DPP6: variants seen among roughly 807,000 people sequenced by gnomAD.
DPP6 encodes A-type potassium channel modulatory protein DPP6.
Under a neutral mutation model 122.6 loss-of-function variants are expected in DPP6, and 69 were observed. The ratio of observed to expected loss-of-function variants is 0.56; its 90% CI spans 0.46 to 0.69. The LOEUF (loss-of-function observed/expected upper bound fraction) is 0.69. Ranked by LOEUF, DPP6 falls within the 30% of genes least tolerant of loss-of-function variation. The pLI is 0.00. For missense variants in DPP6, 928 were observed against 1,116.9 expected (o/e 0.83, Z 2.41); for synonymous variants, 418 against 433.1 (o/e 0.97, Z 0.43).
chr7:153,995,778 C>T (rs1367245718), intron 1 of DPP6, among the ~76,000 whole-genome samples: 1 of 152,082 alleles, frequency 6.6e-6, no homozygotes, highest in East Asian at 1.9e-4. Flanking sequence ...GGAATAAAAG[C>T]ACCAGATGGG....
chr7:154,837,276 C>T (rs1801146943), intron 16 of DPP6, among the ~76,000 whole-genome samples: 1 of 151,800 alleles, frequency 6.6e-6, no homozygotes. Flanking sequence ...CATGCACACG[C>T]ATGCAGGCAC....
chr7:154,218,108 A>G (rs1049064949), intron 1 of DPP6, among the ~76,000 whole-genome samples: 1 of 152,104 alleles, frequency 6.6e-6, no homozygotes, highest in African/African-American at 2.4e-5. Flanking sequence ...CGTTTCCCCC[A>G]TTTTATCAGC....
Position 154,450,008 on chromosome 7 carries a change from C to CTAAATAAATAAA in DPP6, c.358+3718_358+3729dup, listed in dbSNP as rs66665335. ...TGGGTGACAGAGCTAGACTCCATCT[C>CTAAATAAATAAA]TAAATAAATAAATAAATAAATAAAT... On this transcript the variant is annotated intron_variant, in intron 2 of 25. Coordinates refer to ENST00000377770, the MANE Select transcript of DPP6 (RefSeq NM_130797.4). 3.4e-4 allele frequency among the ~76,000 whole-genome samples: 47 copies of CTAAATAAATAAA among 138,310 alleles called. 1 individual carries two copies. Among genetic ancestry groups the CTAAATAAATAAA allele is most frequent in the East Asian group, 1.7e-3 (8 of 4,718 alleles). The allele number at this position is 138,310 out of a possible 152,430, so 90.7% of individuals were successfully genotyped here.
At chr7:154,137,509 G>C (rs1283860677) in intron 1 of DPP6, among the ~76,000 whole-genome samples, 1 of 151,676 alleles carries the variant, frequency 6.6e-6, no homozygotes, top group African/African-American at 2.4e-5. Flanking sequence ...AATCTGTGAA[G>C]ACAGGGTTAC....
chr7:154,019,318 AT>A (rs1798582003), intron 1 of DPP6, among the ~76,000 whole-genome samples: 3 of 151,792 alleles, frequency 2.0e-5, no homozygotes, highest in African/African-American at 7.3e-5. Context: ...TCTGTCAAAT[AT>A]TTATCTGCCT....
intron 1 of DPP6, among the ~76,000 whole-genome samples, chr7:154,329,282 C>T (rs1808712181): frequency 6.6e-6 from 1 of 152,238 alleles, no homozygotes; most frequent in Non-Finnish European, 1.5e-5. Flanking sequence ...GTTGCATCCG[C>T]ACTGGCCAGC....
At chr7:154,720,301 T>C (rs564307865) in intron 7 of DPP6, among the ~76,000 whole-genome samples, 1 of 152,088 alleles carries the variant, frequency 6.6e-6, no homozygotes, top group Non-Finnish European at 1.5e-5. Context: ...ATGGAGGAAG[T>C]GGAGACAGTG....
At chr7:153,970,784 T>C (rs185849799) in intron 1 of DPP6, among the ~76,000 whole-genome samples, 70 of 152,316 alleles carry the variant, frequency 4.6e-4, no homozygotes, top group African/African-American at 1.7e-3. Flanking sequence ...GCACTTTTAT[T>C]GAAAATGAAT....
At chr7:154,713,301 G>T (rs960981334) in intron 7 of DPP6, among the ~76,000 whole-genome samples, 1 of 152,210 alleles carries the variant, frequency 6.6e-6, no homozygotes, top group African/African-American at 2.4e-5. Flanking sequence ...GCTATTGGTG[G>T]ATCTACCATT....
rs753304722 is a variant in DPP6 at position 154,876,068 on chromosome 7, G to A, written c.2046G>A (p.Leu682=). 1 of 1,607,388 alleles carries A rather than the reference G, an allele frequency of 6.2e-7. No individual in the cohort carries two copies. Among genetic ancestry groups the A allele is most frequent in the South Asian group, 1.1e-5 (1 of 90,542 alleles). ...LLHEVRRRLG[L]LEEKDQMEAV... ...ACGAAGTGAGGCGGCGGCTGGGCTT[G>A]CTGGAGGAGAAGGACCAGATGGAGG... The change falls in exon 20 of 26, where the codon TTG becomes TTA. Residue 682 remains leucine (L), a synonymous_variant. Transcript: ENST00000377770.
At chr7:154,325,039 A>G (rs545198768) in intron 1 of DPP6, among the ~76,000 whole-genome samples, 4 of 151,342 alleles carry the variant, frequency 2.6e-5, no homozygotes, top group Admixed American at 6.6e-5. Flanking sequence ...TAATTTTTTT[A>G]TATTTTTAGT....
intron 7 of DPP6, among the ~76,000 whole-genome samples, chr7:154,720,917 C>T (rs1297076858): frequency 6.6e-6 from 1 of 152,200 alleles, no homozygotes; most frequent in Admixed American, 6.5e-5. Context: ...GGTCTTTCCC[C>T]AATAAGCCTC....
chr7:154,631,716 G>A (rs539668237), intron 5 of DPP6, among the ~76,000 whole-genome samples: 1 of 151,946 alleles, frequency 6.6e-6, no homozygotes, highest in Non-Finnish European at 1.5e-5. Flanking sequence ...ATGGCCAGAG[G>A]TTTTTTGTTT....
intron 7 of DPP6, among the ~76,000 whole-genome samples, chr7:154,686,999 T>G (rs1484370298): frequency 6.6e-6 from 1 of 152,206 alleles, no homozygotes; most frequent in East Asian, 1.9e-4. Flanking sequence ...CCCTGCCATT[T>G]ATGGATCTCT....
At chr7:154,490,613 T>G (rs1431638320) in intron 3 of DPP6, among the ~76,000 whole-genome samples, 1 of 152,228 alleles carries the variant, frequency 6.6e-6, no homozygotes, top group East Asian at 1.9e-4. Context: ...TTGAAAGTAG[T>G]TTGTGATCCG....
At position 154,533,378 on chromosome 7, in the gene DPP6, G is replaced by T. The variant is rs187385127; in HGVS notation, c.458-7154G>T. Among the ~76,000 whole-genome samples the T allele has an allele frequency of 1.2e-4, 19 of 152,198 alleles. No homozygotes were observed. The East Asian group carries it at 3.1e-3, about 25-fold the overall frequency. ...TCAAATGACTCCTATTTTCAACACCGACCTAAGAAGAAATAGGAAACTGAA... is the reference window on the plus strand; with the variant it reads ...TCAAATGACTCCTATTTTCAACACCTACCTAAGAAGAAATAGGAAACTGAA... On this transcript the variant is annotated intron_variant, in intron 3 of 25. Transcript: ENST00000377770.
rs941493326 is a variant in DPP6 at position 154,282,814 on chromosome 7, C to T, written c.244-163400C>T. Among the ~76,000 whole-genome samples, 10 of 152,198 alleles carry T rather than the reference C, an allele frequency of 6.6e-5. No individual in the cohort carries two copies. Among genetic ancestry groups the T allele is most frequent in the Admixed American group, 5.2e-4 (8 of 15,302 alleles). ...TGATTCCTAAAGGGTTTAGAAATAA[C>T]CACAAATAGGCCCATTTATAACAAG... On this transcript the variant is annotated intron_variant, in intron 1 of 25. Coordinates refer to ENST00000377770, the MANE Select transcript of DPP6 (RefSeq NM_130797.4). The surrounding 1 kb of genome is among the most constrained non-coding windows in gnomAD (Gnocchi z 4.8).
intron 1 of DPP6, among the ~76,000 whole-genome samples, chr7:154,177,370 A>G (rs1797857772): frequency 1.3e-5 from 2 of 152,346 alleles, no homozygotes; most frequent in East Asian, 1.9e-4. Context: ...CTAAAGAGAC[A>G]TATGACTGTA....
chr7:153,749,417 G>A, the DPP6 span, among the ~76,000 whole-genome samples: 1 of 152,124 alleles, frequency 6.6e-6, no homozygotes, highest in African/African-American at 2.4e-5. This position sits in a 1 kb window ranked among gnomAD's most constrained non-coding sequence, Gnocchi z 4.1. Flanking sequence ...TTGCAGAGGA[G>A]CTCTTTCCCG....
Sources: allele counts gnomAD v4.1 joint callset (sites outside exome capture counted in the v4.1 genomes callset), GRCh38; gene constraint gnomAD v4.1.1; non-coding constraint Gnocchi (gnomAD v3.1); transcripts MANE v1.5; gene names NCBI Gene and HGNC (gene_info 2026-07-23, HGNC 2026-07-21).